The following ADCY2 variants were observed in gnomAD, a reference collection of about 807,000 sequenced individuals.
ADCY2 encodes the protein adenylate cyclase type 2.
In ADCY2, 31 loss-of-function variants were observed where a neutral mutation model predicts 125.2. The observed-to-expected ratio is 0.25, with a 90% confidence interval of 0.19 to 0.33. The LOEUF is 0.33. Among genes scored for constraint, ADCY2 ranks in the 10% least tolerant of loss-of-function variants. ADCY2 has a pLI of 1.00. For synonymous variants in ADCY2, 512 were observed against 548.4 expected, an observed-to-expected ratio of 0.93 and a Z score of 0.93; for missense variants, 904 against 1,418.2, an observed-to-expected ratio of 0.64 and a Z score of 5.82.
intron 3 of ADCY2, among the ~76,000 whole-genome samples, chr5:7,540,407 T>C (rs1323268095): frequency 1.3e-5 from 2 of 152,234 alleles, no homozygotes; most frequent in Non-Finnish European, 2.9e-5. Flanking sequence ...TTTATCTAAT[T>C]GGTCTCAACA....
rs201781955 is a variant in ADCY2 at position 7,789,815 on chromosome 5, G to A, written c.2628+15G>A. Reference sequence around the variant, plus strand: ...TGAAGAATGAGGTCAGACCAGGGGGGCTGGGGGCTGGGGGAGGGGGCTGGA... The same window carrying A: ...TGAAGAATGAGGTCAGACCAGGGGGACTGGGGGCTGGGGGAGGGGGCTGGA... On this transcript the variant is annotated intron_variant, in intron 20 of 24. Coordinates refer to ENST00000338316, the MANE Select transcript of ADCY2 (RefSeq NM_020546.3). 9 of 1,479,208 alleles carry A rather than the reference G, an allele frequency of 6.1e-6. No homozygotes were observed. Among genetic ancestry groups the A allele is most frequent in the East Asian group, 2.5e-5 (1 of 40,052 alleles). 91.6% of individuals were successfully genotyped at this position (1,479,208 alleles called of 1,614,324 possible). A position where few individuals can be genotyped will look rare whatever the true frequency, so the allele number is the denominator to read the frequency against.
At chr5:7,512,314 C>T (rs1310834354) in intron 2 of ADCY2, among the ~76,000 whole-genome samples, 1 of 147,870 alleles carries the variant, frequency 6.8e-6, no homozygotes, top group Non-Finnish European at 1.5e-5. Flanking sequence ...ATTGTTTTGA[C>T]TTCTGTGTGG....
At chr5:7,531,405 G>A (rs983863275) in intron 3 of ADCY2, among the ~76,000 whole-genome samples, 2 of 152,008 alleles carry the variant, frequency 1.3e-5, no homozygotes, top group Admixed American at 6.6e-5. Flanking sequence ...GAATCTCTTC[G>A]ACCACCCCCC....
intron 14 of ADCY2, among the ~76,000 whole-genome samples, chr5:7,730,049 T>C (rs1037793868): frequency 6.6e-6 from 1 of 152,086 alleles, no homozygotes; most frequent in Non-Finnish European, 1.5e-5. Flanking sequence ...CTTCCCCCTT[T>C]GGAGTCTCCA....
intron 20 of ADCY2, chr5:7,801,325 C>T (rs1345196703): frequency 6.6e-6 from 1 of 152,328 alleles, no homozygotes; most frequent in South Asian, 2.1e-4. Context: ...TTTCCCTCCC[C>T]TCAGAGGTCA....
intron 4 of ADCY2, among the ~76,000 whole-genome samples, chr5:7,680,917 G>A (rs1020445170): frequency 1.3e-5 from 2 of 152,182 alleles, no homozygotes; most frequent in Admixed American, 1.3e-4. Context: ...TTACTAAAAT[G>A]CATTTTCTAA....
intron 2 of ADCY2, among the ~76,000 whole-genome samples, chr5:7,509,141 C>G (rs969731473): frequency 2.0e-4 from 31 of 152,188 alleles, no homozygotes; most frequent in African/African-American, 7.0e-4. Context: ...CTCTGGAAGA[C>G]TTCAGAGCTC....
intron 2 of ADCY2, among the ~76,000 whole-genome samples, chr5:7,513,108 G>A (rs55798389): frequency 2.9e-4 from 25 of 84,804 alleles, no homozygotes; most frequent in African/African-American, 8.4e-4. Flanking sequence ...CACACACACA[G>A]AGAGAGAGAG....
intron 3 of ADCY2, among the ~76,000 whole-genome samples, chr5:7,570,039 T>A (rs546846300): frequency 1.2e-4 from 18 of 152,122 alleles, no homozygotes; most frequent in South Asian, 2.1e-4. Context: ...AGGAAACTGA[T>A]TGACTGAATG....
chr5:7,698,052 T>G (rs1740951790), intron 6 of ADCY2, among the ~76,000 whole-genome samples, 195 bp from the exon 7 acceptor site: 1 of 152,174 alleles, frequency 6.6e-6, no homozygotes, highest in South Asian at 2.1e-4. Flanking sequence ...TCTTTATTCC[T>G]CTTTGGAAAT....
At chr5:7,414,552 T>A in intron 1 of ADCY2, 21 bp from the exon 2 acceptor site, 2 of 1,586,646 alleles carry the variant, frequency 1.3e-6, no homozygotes, top group Non-Finnish European at 1.7e-6. Context: ...AACTTTTCCA[T>A]GTATTTTTTT....
intron 3 of ADCY2, among the ~76,000 whole-genome samples, chr5:7,573,426 A>G (rs1736126688): frequency 6.6e-6 from 1 of 152,076 alleles, no homozygotes; most frequent in Non-Finnish European, 1.5e-5. Context: ...GTGTGCTCAC[A>G]TATTTCAGAG....
intron 3 of ADCY2, among the ~76,000 whole-genome samples, chr5:7,612,908 T>A (rs1439255682): frequency 6.6e-6 from 1 of 151,906 alleles, no homozygotes; most frequent in Non-Finnish European, 1.5e-5. Context: ...CCCAGCTACT[T>A]GGGAGGCTGA....
At chr5:7,720,292 T>C (rs1446842653) in intron 12 of ADCY2, among the ~76,000 whole-genome samples, 1 of 152,172 alleles carries the variant, frequency 6.6e-6, no homozygotes, top group East Asian at 1.9e-4. Context: ...CATTTATCAA[T>C]CTCCTTGTTT....
intron 2 of ADCY2, among the ~76,000 whole-genome samples, chr5:7,477,426 A>G (rs1579483210): frequency 6.6e-6 from 1 of 152,172 alleles, no homozygotes; most frequent in East Asian, 1.9e-4. Context: ...TACTTGCAGA[A>G]TTGTCAACCT....
chr5:7,490,703 T>C (rs1389099321), intron 2 of ADCY2, among the ~76,000 whole-genome samples: 1 of 151,942 alleles, frequency 6.6e-6, no homozygotes, highest in Non-Finnish European at 1.5e-5. Context: ...AGGCACACCA[T>C]CATTTTGGGG....
At chr5:7,457,920 G>A (rs542712301) in intron 2 of ADCY2, among the ~76,000 whole-genome samples, 2 of 152,256 alleles carry the variant, frequency 1.3e-5, no homozygotes, top group African/African-American at 4.8e-5. Context: ...ACTAATAATA[G>A]CAGACACAAA....
chr5:7,818,975 A>G (rs1745210085), intron 23 of ADCY2, among the ~76,000 whole-genome samples: 1 of 152,218 alleles, frequency 6.6e-6, no homozygotes, highest in Non-Finnish European at 1.5e-5. Context: ...GAGGTCCCAC[A>G]TTAGGCCGTC....
intron 16 of ADCY2, among the ~76,000 whole-genome samples, chr5:7,766,411 A>G (rs184192299): frequency 1.2e-4 from 19 of 152,336 alleles, no homozygotes; most frequent in Admixed American, 1.1e-3. Flanking sequence ...TGTAATTCTA[A>G]CCACGCCCTC....
Sources: gnomAD v4.1 joint callset for allele counts (sites outside exome capture counted in the v4.1 genomes callset) on GRCh38, gnomAD v4.1.1 for gene constraint, MANE v1.5 for transcripts, NCBI Gene and HGNC (gene_info 2026-07-23, HGNC 2026-07-21) for gene names.